Variants in USP14 observed in about 807,000 individuals in gnomAD.
USP14 encodes ubiquitin specific peptidase 14, also known as ubiquitin carboxyl-terminal hydrolase 14.
In USP14, 38 loss-of-function variants were observed where a neutral mutation model predicts 76.5. The observed-to-expected ratio is 0.50, with a 90% CI of 0.38 to 0.65. The LOEUF is 0.65. Among genes scored for constraint, USP14 ranks in the 30% least tolerant of loss-of-function variants. USP14 has a pLI of 0.00. For missense variants in USP14, 467 were observed against 586.5 expected (o/e 0.80, Z 2.10); for synonymous variants, 192 against 191.7 (o/e 1.00, Z -0.01).
At chr18:158,909 G>T in intron 1 of USP14, 195 bp downstream of exon 1, 3 of 886,232 alleles carry the variant, frequency 3.4e-6, no homozygotes, top group Non-Finnish European at 4.5e-6. Flanking sequence ...GCAGGGGAGC[G>T]CCGTCCCCCT....
rs536171417 is a variant in USP14, at chr18:160,145, A to C, written c.16+1431A>C. ...TGTTGAAACCCTGTCTCTACTAAAA[A>C]TACAAAAAATCAGTCGAGAGTGGTG... On this transcript the variant is annotated intron_variant, in intron 1 of 15. Transcript: ENST00000261601. 5.5e-4 allele frequency among the ~76,000 whole-genome samples: 83 copies of C among 152,286 alleles called. 1 individual carries two copies. The South Asian group carries it at 0.017, about 31-fold the overall frequency.
rs1314873109 is a variant in USP14 at position 214,129 on chromosome 18, G to T, written c.*2845G>T. On this transcript the variant is annotated 3_prime_UTR_variant, in exon 16 of 16. Transcript: ENST00000261601. ...GACAGTTAGTTAGTTAGTTATGAGT[G>T]AGCACAGCTGGGTGCCAGTACAATT... 4 of 154,972 alleles carry T rather than the reference G, an allele frequency of 2.6e-5. No homozygotes were observed. The highest frequency in any genetic ancestry group is 2.6e-4 in the Admixed American group (4 of 15,646). 9.6% of individuals were successfully genotyped at this position (154,972 alleles called of 1,614,324 possible). A position where few individuals can be genotyped will look rare whatever the true frequency, so the allele number is the denominator to read the frequency against.
chr18:190,435 T>C (rs1910055885), intron 5 of USP14, among the ~76,000 whole-genome samples: 1 of 152,230 alleles, frequency 6.6e-6, no homozygotes, highest in African/African-American at 2.4e-5. Context: ...ATTAGCATTA[T>C]ATGTGCTTTC....
chr18:193,699 T>C (rs1910154367), intron 6 of USP14, among the ~76,000 whole-genome samples: 1 of 152,230 alleles, frequency 6.6e-6, no homozygotes, highest in East Asian at 1.9e-4. Context: ...TGTAGTCTCT[T>C]GTGACTGGTG....
chr18:203,728 A>C (rs1391520967), intron 12 of USP14, among the ~76,000 whole-genome samples: 1 of 150,302 alleles, frequency 6.7e-6, no homozygotes, highest in Non-Finnish European at 1.5e-5. Flanking sequence ...TCCAGCCTCA[A>C]CCTCCCGAGT....
intron 5 of USP14, among the ~76,000 whole-genome samples, chr18:187,392 T>C (rs867510291): frequency 1.3e-5 from 2 of 152,202 alleles, no homozygotes; most frequent in African/African-American, 2.4e-5. Flanking sequence ...GATAGTTTGA[T>C]CCATATTTTA....
Position 211,761 on chromosome 18 carries a change from C to T in USP14, c.*477C>T, listed in dbSNP as rs1274975757. ...GGAAGGTGGAAAAGGAAGTGTTGCT[C>T]TCATTGTGTGACTCAGTGCTGCTGT... On this transcript the variant is annotated 3_prime_UTR_variant, in exon 16 of 16. Coordinates refer to ENST00000261601, the MANE Select transcript of USP14 (RefSeq NM_005151.4). 6.5e-6 allele frequency: 1 copy of T among 152,846 alleles called. No homozygotes were observed. The highest frequency in any genetic ancestry group is 2.4e-5 in the African/African-American group (1 of 41,456). The allele number at this position is 152,846 out of a possible 1,614,324, so 9.5% of individuals were successfully genotyped here.
intron 5 of USP14, among the ~76,000 whole-genome samples, chr18:191,764 A>C (rs1210635978): frequency 1.3e-5 from 2 of 152,214 alleles, no homozygotes; most frequent in African/African-American, 4.8e-5. Context: ...ATTGCTCCAC[A>C]ATCTTGCCGA....
intron 1 of USP14, chr18:158,999 C>T: frequency 2.8e-6 from 1 of 361,672 alleles, no homozygotes. Flanking sequence ...CTGACGCTGC[C>T]CTGGTGTGCG....
At chr18:184,266 A>T (rs1429482779) in intron 5 of USP14, among the ~76,000 whole-genome samples, 2 of 152,184 alleles carry the variant, frequency 1.3e-5, no homozygotes, top group East Asian at 3.8e-4. Context: ...TTTTCTCAAG[A>T]GAGTGCACTT....
chr18:178,819 T>C, intron 3 of USP14, 114 bp from the exon 4 acceptor site: 1 of 717,408 alleles, frequency 1.4e-6, no homozygotes, highest in South Asian at 2.0e-5. Context: ...GATTTACTTT[T>C]TTTGGCAAAT....
chr18:214,329 A>T lies in USP14; in HGVS notation c.*3045A>T, dbSNP rs1910782581. The T allele has an allele frequency of 4.1e-6, 1 of 245,626 alleles. No homozygotes were observed. The highest frequency in any genetic ancestry group is 7.8e-6 in the Non-Finnish European group (1 of 127,902). The allele number at this position is 245,626 out of a possible 1,614,324, so 15.2% of individuals were successfully genotyped here. On this transcript the variant is annotated 3_prime_UTR_variant, in exon 16 of 16. Coordinates refer to ENST00000261601, the MANE Select transcript of USP14 (RefSeq NM_005151.4). ...ACAACACACAGGAAACTAATTTGGT[A>T]TAAGAAACGACATATCCCTAAATAG...
chr18:161,597 A>G lies in USP14; in HGVS notation c.17-1711A>G, dbSNP rs577686855. ...CACCCCCCCATTAGGCTGTAAGTTT[A>G]TGGAGAGTCTTCCCAATGCTTTGTA... is the stretch of plus-strand genomic sequence containing the variant. On this transcript the variant is annotated intron_variant, in intron 1 of 15. Coordinates refer to ENST00000261601, the MANE Select transcript of USP14 (RefSeq NM_005151.4). Among the ~76,000 whole-genome samples, 133 of 152,218 alleles carry G rather than the reference A, an allele frequency of 8.7e-4. 2 individuals are homozygous for G. The highest frequency in any genetic ancestry group is 3.2e-4 in the Non-Finnish European group (22 of 68,008).
At position 214,440 on chromosome 18, in the gene USP14, C is replaced by G; in HGVS notation, c.*3156C>G. ...GAGGTCACTTCGTTTAGGTCATTAT[C>G]TCAACCCAACCTCCCCAAACTCTGG... On this transcript the variant is annotated 3_prime_UTR_variant, in exon 16 of 16. Coordinates refer to ENST00000261601, the MANE Select transcript of USP14 (RefSeq NM_005151.4). 1.8e-6 allele frequency: 1 copy of G among 560,568 alleles called. No homozygotes were observed. The allele number at this position is 560,568 out of a possible 1,614,324, so 34.7% of individuals were successfully genotyped here. A position where few individuals can be genotyped will look rare whatever the true frequency, so the allele number is the denominator to read the frequency against.
chr18:197,742 T>A (rs1598276911), intron 8 of USP14, 46 bp downstream of exon 8: 1 of 388,636 alleles, frequency 2.6e-6, no homozygotes, highest in Non-Finnish European at 3.6e-6. Flanking sequence ...TATACCTTGA[T>A]TTTTTTTTTT....
chr18:192,242 A>G (rs1301601903), intron 5 of USP14, among the ~76,000 whole-genome samples: 1 of 142,256 alleles, frequency 7.0e-6, no homozygotes, highest in Non-Finnish European at 1.5e-5. Flanking sequence ...TAATTAATGA[A>G]TAGTGTTGTT....
At chr18:193,001 C>T in intron 6 of USP14, 101 bp downstream of exon 6, 3 of 894,378 alleles carry the variant, frequency 3.4e-6, no homozygotes, top group Non-Finnish European at 5.1e-6. Context: ...AAAACATCAC[C>T]TCATTAAGCC....
At chr18:200,394 C>T (rs1220054200) in intron 10 of USP14, among the ~76,000 whole-genome samples, 6 of 152,254 alleles carry the variant, frequency 3.9e-5, no homozygotes, top group South Asian at 2.1e-4. Context: ...AGTAATTATG[C>T]AATATAAACT....
Position 186,492 on chromosome 18 carries a change from C to G in USP14, c.404+6153C>G, listed in dbSNP as rs112178323. The stretch of plus-strand genomic sequence containing the variant: ...GATGGGCCAGGAGCAGTGGCTCATG[C>G]TTGTAATCCCAGCACTTTGGGAGGC... On this transcript the variant is annotated intron_variant, in intron 5 of 15. Coordinates refer to ENST00000261601, the MANE Select transcript of USP14 (RefSeq NM_005151.4). 1.3e-3 allele frequency among the ~76,000 whole-genome samples: 191 copies of G among 151,894 alleles called. 1 individual carries two copies. Among genetic ancestry groups the G allele is most frequent in the African/African-American group, 4.2e-3 (175 of 41,422 alleles).
Sources: allele counts gnomAD v4.1 joint callset (sites outside exome capture counted in the v4.1 genomes callset), GRCh38; gene constraint gnomAD v4.1.1; transcripts MANE v1.5; gene names NCBI Gene and HGNC (gene_info 2026-07-23, HGNC 2026-07-21).